Variants in FRMD4B observed in about 807,000 individuals in gnomAD.
FRMD4B encodes the protein FERM domain-containing protein 4B.
In FRMD4B, 74 loss-of-function variants were observed where a neutral mutation model predicts 141.5. The ratio of observed to expected loss-of-function variants is 0.52; its 90% CI spans 0.43 to 0.63. The LOEUF (loss-of-function observed/expected upper bound fraction) is 0.63. Ranked by LOEUF, FRMD4B falls within the 30% of genes least tolerant of loss-of-function variation. FRMD4B has a pLI of 0.00. For synonymous variants in FRMD4B, 506 were observed against 467.9 expected, an observed-to-expected ratio of 1.08 and a Z score of -1.05; for missense variants, 1,366 against 1,253.4, an observed-to-expected ratio of 1.09 and a Z score of -1.36.
intron 1 of FRMD4B, among the ~76,000 whole-genome samples, chr3:69,374,061 A>C (rs1219365283): frequency 1.3e-5 from 2 of 152,152 alleles, no homozygotes; most frequent in African/African-American, 4.8e-5. Flanking sequence ...ACACCTATTA[A>C]GTAGGGTGTT....
intron 5 of FRMD4B, among the ~76,000 whole-genome samples, chr3:69,270,380 T>A (rs892692401): frequency 1.3e-5 from 2 of 152,206 alleles, no homozygotes; most frequent in African/African-American, 4.8e-5. Context: ...TGACATCTGC[T>A]TCTACTGTGT....
At chr3:69,336,245 TGTG>T (rs1702548570) in intron 1 of FRMD4B, among the ~76,000 whole-genome samples, 1 of 152,180 alleles carries the variant, frequency 6.6e-6, no homozygotes, top group South Asian at 2.1e-4. Context: ...GTTCTTGAAG[TGTG>T]GTCTTAGGAC....
intron 3 of FRMD4B, among the ~76,000 whole-genome samples, chr3:69,302,838 C>T (rs189317211): frequency 1.1e-4 from 17 of 152,054 alleles, no homozygotes; most frequent in Admixed American, 8.5e-4. Flanking sequence ...TTTGGGAGGC[C>T]GAGGCGGGCA....
chr3:69,456,223 T>C (rs1482649716), intron 1 of FRMD4B, among the ~76,000 whole-genome samples: 1 of 145,534 alleles, frequency 6.9e-6, no homozygotes, highest in East Asian at 2.1e-4. Flanking sequence ...CTTTGTCAAT[T>C]CATGAAACTC....
intron 1 of FRMD4B, among the ~76,000 whole-genome samples, chr3:69,524,251 T>C (rs1391769): frequency 0.28 from 43,308 of 152,126 alleles, 6,369 homozygotes; most frequent in African/African-American, 0.31. Context: ...CCAATCACTG[T>C]GCTGAGCATC....
At chr3:69,412,033 A>G (rs1291316025) in intron 2 of FRMD4B, among the ~76,000 whole-genome samples, 1 of 152,246 alleles carries the variant, frequency 6.6e-6, no homozygotes, top group Non-Finnish European at 1.5e-5. Flanking sequence ...TTGAGTGCTC[A>G]CTATGTGCCA....
At chr3:69,366,796 G>C (rs1029042605) in intron 1 of FRMD4B, among the ~76,000 whole-genome samples, 8 of 151,868 alleles carry the variant, frequency 5.3e-5, no homozygotes, top group African/African-American at 1.9e-4. Flanking sequence ...TTTAGACAGG[G>C]TCTCACTCTG....
intron 1 of FRMD4B, among the ~76,000 whole-genome samples, chr3:69,509,931 AG>A: frequency 6.6e-6 from 1 of 151,672 alleles, no homozygotes; most frequent in Non-Finnish European, 1.5e-5. Context: ...TACATATAAA[AG>A]TTCTGTTTAC....
chr3:69,260,381 C>T (rs1004387983), intron 5 of FRMD4B, among the ~76,000 whole-genome samples: 27 of 152,340 alleles, frequency 1.8e-4, no homozygotes, highest in South Asian at 6.2e-4. Flanking sequence ...GGCTGGTCGT[C>T]GCCGCCAGCC....
At chr3:69,339,024 G>A (rs959882026) in intron 1 of FRMD4B, among the ~76,000 whole-genome samples, 3 of 151,912 alleles carry the variant, frequency 2.0e-5, no homozygotes, top group Admixed American at 6.6e-5. Flanking sequence ...CGCATCCCCC[G>A]CCATTTGCTT....
chr3:69,482,089 A>T (rs1672050628), intron 1 of FRMD4B, among the ~76,000 whole-genome samples: 1 of 152,200 alleles, frequency 6.6e-6, no homozygotes, highest in Admixed American at 6.5e-5. Context: ...TGGGGACAAA[A>T]ATCATCACCT....
At chr3:69,305,855 C>A (rs1420424579) in intron 3 of FRMD4B, among the ~76,000 whole-genome samples, 1 of 152,160 alleles carries the variant, frequency 6.6e-6, no homozygotes, top group Non-Finnish European at 1.5e-5. Flanking sequence ...ACAGCATAAA[C>A]CAATTATGTT....
intron 11 of FRMD4B, among the ~76,000 whole-genome samples, chr3:69,212,372 A>AAAAAG: frequency 1.1e-5 from 1 of 90,250 alleles, no homozygotes; most frequent in African/African-American, 4.0e-5. Flanking sequence ...AAAAAAAAAA[A>AAAAAG]AAAAAAAAGA....
intron 4 of FRMD4B, among the ~76,000 whole-genome samples, chr3:69,288,095 A>C (rs1700751752): frequency 6.6e-6 from 1 of 152,220 alleles, no homozygotes. Context: ...ATTCAACCAA[A>C]AACAAACAAA....
Position 69,181,159 on chromosome 3 carries a change from C to T in FRMD4B, c.2591G>A (p.Arg864Gln), listed in dbSNP as rs1434179053. The T allele has an allele frequency of 3.7e-6, 6 of 1,613,864 alleles. No individual in the cohort carries two copies. The highest frequency in any genetic ancestry group is 5.1e-6 in the Non-Finnish European group (6 of 1,179,886). The change falls in exon 21 of 23, where the codon CGG (arginine) becomes CAG (glutamine). Residue 864 changes from arginine to glutamine, a missense_variant. Coordinates refer to ENST00000398540, the MANE Select transcript of FRMD4B (RefSeq NM_015123.3). ...AGTTGCATATGGGTTATGGGGTACC[C>T]GGTCGACCTCATCTTCGTGAAAGGA... The part of the protein sequence containing the change: ...SRSFHEDEVD[R>Q]VPHNPYATLR...
intron 11 of FRMD4B, chr3:69,200,464 G>T: frequency 4.0e-6 from 4 of 993,350 alleles, no homozygotes; most frequent in Non-Finnish European, 4.8e-6. Context: ...AAACCTCAGG[G>T]TTCTTCCGCC....
At chr3:69,410,396 G>A (rs150665959) in intron 2 of FRMD4B, among the ~76,000 whole-genome samples, 11 of 152,282 alleles carry the variant, frequency 7.2e-5, no homozygotes, top group Non-Finnish European at 1.3e-4. Context: ...GTAGGAATGC[G>A]TGTGTGAGTA....
rs1441266598 is a variant in FRMD4B, at chr3:69,180,945, C to A, written c.2805G>T (p.Leu935=). Residue 935 remains leucine (L), a synonymous_variant, in exon 21 of 23, where the codon CTG becomes CTT. Coordinates refer to ENST00000398540, the MANE Select transcript of FRMD4B (RefSeq NM_015123.3). ...GACTGCTTGGAGAACAAGGTACTTG[C>A]AGCCCCGCAAACCCCAGGCATCTCT... is the stretch of plus-strand genomic sequence containing the variant. ...GSQRCLGFAG[L]QVPCSPSSRA... 1.2e-6 allele frequency: 2 copies of A among 1,612,604 alleles called. No homozygotes were observed. Among genetic ancestry groups the A allele is most frequent in the Non-Finnish European group, 1.7e-6 (2 of 1,178,880 alleles).
chr3:69,442,938 C>T (rs900191510), intron 1 of FRMD4B, among the ~76,000 whole-genome samples: 5 of 152,202 alleles, frequency 3.3e-5, no homozygotes, highest in Non-Finnish European at 5.9e-5. Context: ...TCCCCAGTTC[C>T]TGGCAAAGAG....
Sources: gnomAD v4.1 joint callset for allele counts (sites outside exome capture counted in the v4.1 genomes callset) on GRCh38, gnomAD v4.1.1 for gene constraint, MANE v1.5 for transcripts, NCBI Gene and HGNC (gene_info 2026-07-23, HGNC 2026-07-21) for gene names.